UTRN: variants seen among roughly 807,000 people sequenced by gnomAD.
UTRN encodes utrophin.
In UTRN, 283 loss-of-function variants were observed where a neutral mutation model predicts 463.9. The ratio of observed to expected loss-of-function variants is 0.61; its 90% CI spans 0.55 to 0.67. UTRN has a LOEUF of 0.67. Among genes scored for constraint, UTRN ranks in the 30% least tolerant of loss-of-function variants. The probability of loss-of-function intolerance (pLI) is 0.00; values close to 1 mark genes in which losing one functional copy is unlikely to be tolerated. For synonymous variants in UTRN, 1,442 were observed against 1,431.5 expected (o/e 1.01, Z -0.17); for missense variants, 3,922 against 4,084.3 (o/e 0.96, Z 1.08).
In UTRN at chr6:144,730,451, C is replaced by G; in HGVS notation, c.7904C>G (p.Pro2635Arg). 6.2e-7 allele frequency: 1 copy of G among 1,610,866 alleles called. No homozygotes were observed. The highest frequency in any genetic ancestry group is 8.5e-7 in the Non-Finnish European group (1 of 1,178,266). ...VFLADQPIEA[P>R]EEPRRNLQSK... is the part of the protein sequence containing the mutation. ...TTGGCTGATCAGCCAATTGAGGCCC[C>G]TGAAGAGCCAAGAAGAAACCTACAA... Residue 2635 changes from proline (P) to arginine (R), a missense_variant, in exon 54 of 75, where the codon CCT (proline) becomes CGT (arginine). Coordinates refer to ENST00000367545, the MANE Select transcript of UTRN (RefSeq NM_007124.3).
chr6:144,606,559 T>G (rs897018031), intron 51 of UTRN, among the ~76,000 whole-genome samples: 3 of 152,210 alleles, frequency 2.0e-5, no homozygotes, highest in African/African-American at 7.2e-5. Context: ...TTAAAAATGT[T>G]TCTCAGACCT....
intron 13 of UTRN, among the ~76,000 whole-genome samples, chr6:144,444,003 TAGAA>T (rs1197921431): frequency 6.6e-6 from 1 of 152,140 alleles, no homozygotes; most frequent in East Asian, 1.9e-4. Context: ...CACAATGAAA[TAGAA>T]AGAGCAGGTT....
At chr6:144,628,134 A>G (rs140218602) in intron 51 of UTRN, among the ~76,000 whole-genome samples, 1 of 152,096 alleles carries the variant, frequency 6.6e-6, no homozygotes, top group Admixed American at 6.5e-5. Flanking sequence ...TATTATGCAT[A>G]TATCACATTT....
At position 144,522,037 on chromosome 6, in the gene UTRN, C is replaced by T; in HGVS notation, c.5599C>T (p.Leu1867Phe). The change falls in exon 40 of 75, where the codon CTT becomes TTT. Residue 1867 changes from leucine to phenylalanine, a missense_variant. Transcript: ENST00000367545. ...GQLASGIRSS[L>F]LPTDYLVEIN... ...ACTTGCTTCTGGAATTAGATCATCA[C>T]TTCTTCCTACAGATTATCTGGTTGA... 1 of 1,589,152 alleles carries T rather than the reference C, an allele frequency of 6.3e-7. No individual in the cohort carries two copies. Among genetic ancestry groups the T allele is most frequent in the Non-Finnish European group, 8.5e-7 (1 of 1,169,710 alleles).
rs1248588208 is a variant in UTRN at position 144,386,028 on chromosome 6, A to G, written c.80-17095A>G. Among the ~76,000 whole-genome samples, 3 of 152,192 alleles carry G rather than the reference A, an allele frequency of 2.0e-5. No individual in the cohort carries two copies. The East Asian group carries it at 5.8e-4, about 29-fold the overall frequency. On this transcript the variant is annotated intron_variant, in intron 2 of 74. Coordinates refer to ENST00000367545, the MANE Select transcript of UTRN (RefSeq NM_007124.3). ...CCGGCCCAGAACCCTAATTTTTAAC[A>G]GTGACAAGAAGTTAACATGAAGGAA...
intron 18 of UTRN, 50 bp from the exon 19 acceptor site, chr6:144,453,732 A>T (rs769284994): frequency 1.4e-5 from 21 of 1,525,070 alleles, no homozygotes; most frequent in Non-Finnish European, 1.8e-5. Flanking sequence ...CAGCAACATT[A>T]TATTGAGAAG....
intron 1 of UTRN, among the ~76,000 whole-genome samples, chr6:144,289,479 A>G (rs762949212): frequency 2.7e-4 from 41 of 151,792 alleles, no homozygotes; most frequent in Middle Eastern, 3.4e-3. Flanking sequence ...TTATTTTATT[A>G]TTTAAAATTT....
At chr6:144,530,136 G>A (rs1796910529) in intron 41 of UTRN, among the ~76,000 whole-genome samples, 1 of 152,184 alleles carries the variant, frequency 6.6e-6, no homozygotes, top group African/African-American at 2.4e-5. Flanking sequence ...GCCGTTATAA[G>A]ATAACATAGA....
rs1050916233 is a variant in UTRN at position 144,528,697 on chromosome 6, G to A, written c.5907-2355G>A. On this transcript the variant is annotated intron_variant, in intron 41 of 74. Coordinates refer to ENST00000367545, the MANE Select transcript of UTRN (RefSeq NM_007124.3). ...GTGGATACCAGCACCTGCTCTGGTG[G>A]AAGTAACAGGGGAGTGAAGCGGCCT... Among the ~76,000 whole-genome samples, 8 of 152,224 alleles carry A rather than the reference G, an allele frequency of 5.3e-5. 1 individual carries two copies. Among genetic ancestry groups the A allele is most frequent in the African/African-American group, 1.9e-4 (8 of 41,466 alleles).
intron 53 of UTRN, among the ~76,000 whole-genome samples, chr6:144,723,627 G>A (rs889194904): frequency 2.0e-5 from 3 of 152,286 alleles, no homozygotes; most frequent in Admixed American, 2.0e-4. Flanking sequence ...TGAGGTGGGA[G>A]CAGCCATCTT....
At chr6:144,323,015 A>G (rs1775764358) in intron 2 of UTRN, among the ~76,000 whole-genome samples, 2 of 151,356 alleles carry the variant, frequency 1.3e-5, no homozygotes, top group Non-Finnish European at 1.5e-5. Context: ...GTACCTGGGG[A>G]CTCCATCCAT....
chr6:144,376,994 A>G (rs1257192178), intron 2 of UTRN, among the ~76,000 whole-genome samples: 2 of 152,112 alleles, frequency 1.3e-5, no homozygotes, highest in African/African-American at 2.4e-5. Context: ...TAGTATTTCA[A>G]ATCTGTGACT....
chr6:144,485,057 A>G (rs1792293621), intron 27 of UTRN, among the ~76,000 whole-genome samples: 1 of 151,788 alleles, frequency 6.6e-6, no homozygotes, highest in Admixed American at 6.6e-5. Flanking sequence ...GACTACAGGC[A>G]TCCGCCACCA....
intron 60 of UTRN, 38 bp downstream of exon 60, chr6:144,774,402 G>A: frequency 6.8e-7 from 1 of 1,472,178 alleles, no homozygotes; most frequent in Non-Finnish European, 9.0e-7. Flanking sequence ...TCTGTTACTT[G>A]AATTGCGTTT....
intron 53 of UTRN, among the ~76,000 whole-genome samples, chr6:144,711,967 G>A (rs184833261): frequency 5.3e-5 from 8 of 150,476 alleles, no homozygotes; most frequent in African/African-American, 1.9e-4. Context: ...AATTTAGGCT[G>A]TGTGTGTGTG....
At chr6:144,323,759 G>A (rs1006327395) in intron 2 of UTRN, among the ~76,000 whole-genome samples, 16 of 152,104 alleles carry the variant, frequency 1.1e-4, no homozygotes, top group South Asian at 2.1e-4. Flanking sequence ...ACTGCCAGGG[G>A]ATTAATCAAA....
chr6:144,448,044 A>G (rs1007215065), intron 16 of UTRN, among the ~76,000 whole-genome samples: 1 of 152,210 alleles, frequency 6.6e-6, no homozygotes, highest in African/African-American at 2.4e-5. Flanking sequence ...AATCTTATTA[A>G]TCTTAAAAAT....
At chr6:144,811,436 C>T (rs1405250909) in intron 65 of UTRN, among the ~76,000 whole-genome samples, 2 of 152,116 alleles carry the variant, frequency 1.3e-5, no homozygotes, top group Non-Finnish European at 2.9e-5. Context: ...GGTGTTTCAG[C>T]TCCTGCTCTC....
At chr6:144,516,993 A>C (rs1355879007) in intron 39 of UTRN, 45 bp downstream of exon 39, 1 of 1,377,654 alleles carries the variant, frequency 7.3e-7, no homozygotes, top group Non-Finnish European at 9.4e-7. Flanking sequence ...TACCTTACTT[A>C]ACTCTTGCCA....
Sources: allele counts gnomAD v4.1 joint callset (sites outside exome capture counted in the v4.1 genomes callset), GRCh38; gene constraint gnomAD v4.1.1; transcripts MANE v1.5; gene names NCBI Gene and HGNC (gene_info 2026-07-23, HGNC 2026-07-21).